The following RIPOR2 variants were observed in gnomAD, a reference collection of about 807,000 sequenced individuals.
RIPOR2 encodes rho family-interacting cell polarization regulator 2.
RIPOR2 carries 39 observed loss-of-function variants against 114.5 expected under a neutral mutation model. That is an observed-to-expected ratio of 0.34 (90% CI 0.26 to 0.44). The LOEUF (loss-of-function observed/expected upper bound fraction) is 0.44. RIPOR2 is among the 20% of genes least tolerant of loss of function. RIPOR2 has a pLI of 1.00. For missense variants in RIPOR2, 1,007 were observed against 1,255.1 expected, an observed-to-expected ratio of 0.80 and a Z score of 2.99; for synonymous variants, 445 against 484.4, an observed-to-expected ratio of 0.92 and a Z score of 1.07.
chr6:25,002,249 C>T (rs1775355274), intron 1 of RIPOR2, among the ~76,000 whole-genome samples: 1 of 152,158 alleles, frequency 6.6e-6, no homozygotes, highest in African/African-American at 2.4e-5. Context: ...TTAGGACAAC[C>T]ATATAAGTAT....
chr6:24,968,876 G>A (rs895993780), intron 1 of RIPOR2, among the ~76,000 whole-genome samples: 1 of 152,172 alleles, frequency 6.6e-6, no homozygotes, highest in Non-Finnish European at 1.5e-5. Context: ...GAAACCCTGC[G>A]TGACATCATG....
At chr6:24,869,285 C>A (rs902300070) in intron 5 of RIPOR2, 138 bp from the exon 6 acceptor site, 11 of 527,336 alleles carry the variant, frequency 2.1e-5, no homozygotes, top group Non-Finnish European at 3.4e-6. Context: ...ATCTTTGAAG[C>A]TATTTTAGAG....
chr6:24,906,494 G>A (rs1308785650), intron 1 of RIPOR2, among the ~76,000 whole-genome samples: 1 of 152,146 alleles, frequency 6.6e-6, no homozygotes, highest in African/African-American at 2.4e-5. Context: ...CAACACCTCT[G>A]AGTGAAAGGT....
At chr6:24,947,846 G>T (rs1033234337) in intron 1 of RIPOR2, 2 of 152,276 alleles carry the variant, frequency 1.3e-5, no homozygotes, top group Middle Eastern at 6.8e-3. Context: ...TAATGTATAA[G>T]TTAACTCTCG....
At chr6:24,921,508 A>G (rs939180605) in intron 1 of RIPOR2, among the ~76,000 whole-genome samples, 5 of 151,644 alleles carry the variant, frequency 3.3e-5, no homozygotes, top group Non-Finnish European at 7.4e-5. Context: ...TGGTTTCCTT[A>G]CTATTCCTGG....
intron 1 of RIPOR2, among the ~76,000 whole-genome samples, chr6:24,961,621 T>A (rs765154614): frequency 4.6e-5 from 6 of 130,082 alleles, no homozygotes; most frequent in Non-Finnish European, 9.9e-5. Context: ...GGGGTACAGT[T>A]GTTATTCTAA....
rs752662614 is a variant in RIPOR2, at chr6:24,843,330, T to C, written c.1389A>G (p.Ala463=). The C allele has an allele frequency of 1.2e-6, 2 of 1,613,960 alleles. No homozygotes were observed. The highest frequency in any genetic ancestry group is 1.7e-6 in the Non-Finnish European group (2 of 1,179,876). Residue 463 remains alanine (A), a synonymous_variant, in exon 13 of 22, where the codon GCA becomes GCG. Transcript: ENST00000643898. ...QNEGMDDTSS[A]SSRNSLGEGQ... Reference sequence around the variant, plus strand: ...CTTCTCCCAGGGAGTTCCTGGAAGATGCTGAGCTGGTGTCATCCATACCCT... The same window carrying C: ...CTTCTCCCAGGGAGTTCCTGGAAGACGCTGAGCTGGTGTCATCCATACCCT...
intron 7 of RIPOR2, among the ~76,000 whole-genome samples, chr6:24,861,491 C>T (rs1378118649): frequency 6.6e-6 from 1 of 152,048 alleles, no homozygotes; most frequent in East Asian, 1.9e-4. Flanking sequence ...TGAAAATGGA[C>T]AATATGTTAT....
At chr6:24,885,959 A>C (rs66983640) in intron 1 of RIPOR2, among the ~76,000 whole-genome samples, 24,389 of 152,176 alleles carry the variant, frequency 0.16, 1,983 homozygotes, top group South Asian at 0.19. Context: ...TATAAATATG[A>C]GTACCTGGGA....
At chr6:25,010,527 G>A (rs1377678787) in intron 1 of RIPOR2, among the ~76,000 whole-genome samples, 1 of 152,198 alleles carries the variant, frequency 6.6e-6, no homozygotes, top group Non-Finnish European at 1.5e-5. Context: ...AATGAACTGA[G>A]ACAGTGTCCT....
intron 1 of RIPOR2, among the ~76,000 whole-genome samples, chr6:24,968,405 C>T (rs1773632255): frequency 6.6e-6 from 1 of 152,144 alleles, no homozygotes; most frequent in African/African-American, 2.4e-5. Context: ...CTGCTGGTGT[C>T]ACTCCCTGCT....
chr6:24,907,672 A>T (rs1241115068), intron 1 of RIPOR2, among the ~76,000 whole-genome samples: 1 of 152,202 alleles, frequency 6.6e-6, no homozygotes, highest in African/African-American at 2.4e-5. Flanking sequence ...GATTTTGTTC[A>T]GTTGAATCAA....
In RIPOR2 at chr6:24,843,518, C is replaced by T. The variant is rs769089967; in HGVS notation, c.1201G>A (p.Ala401Thr). Residue 401 changes from alanine to threonine, a missense_variant, in exon 13 of 22, where the codon GCA (alanine) becomes ACA (threonine). Ala to Thr is a moderately conservative substitution (Grantham distance 58). Coordinates refer to ENST00000643898, the MANE Select transcript of RIPOR2 (RefSeq NM_001286445.3). The part of the protein sequence containing the change: ...LPDDIFENGK[A>T]AEEKMPLSLS... Reference sequence around the variant, plus strand: ...GACAGTGGCATTTTCTCCTCGGCTGCCTTTCCATTTTCAAAGATGTCATCA... The same window carrying T: ...GACAGTGGCATTTTCTCCTCGGCTGTCTTTCCATTTTCAAAGATGTCATCA... 2.0e-6 allele frequency: 3 copies of T among 1,531,206 alleles called. No homozygotes were observed. The highest frequency in any genetic ancestry group is 2.6e-6 in the Non-Finnish European group (3 of 1,138,254). 94.9% of individuals were successfully genotyped at this position (1,531,206 alleles called of 1,614,324 possible).
intron 1 of RIPOR2, among the ~76,000 whole-genome samples, chr6:24,918,106 A>G (rs747473245): frequency 6.6e-6 from 1 of 152,180 alleles, no homozygotes; most frequent in Non-Finnish European, 1.5e-5. Flanking sequence ...GGTCTAGCCA[A>G]TGGGGATCCC....
chr6:24,868,125 C>A (rs1292758710), intron 6 of RIPOR2, among the ~76,000 whole-genome samples: 1 of 152,130 alleles, frequency 6.6e-6, no homozygotes, highest in East Asian at 1.9e-4. Context: ...AAATATCTTT[C>A]AAAGCAAGAA....
At chr6:25,014,947 A>G (rs1393776917) in intron 1 of RIPOR2, 2 of 152,210 alleles carry the variant, frequency 1.3e-5, no homozygotes, top group African/African-American at 4.8e-5. Flanking sequence ...TGACGAGCCA[A>G]AATATGAATA....
At chr6:25,003,384 CATTATTATT>C (rs57985459) in intron 1 of RIPOR2, among the ~76,000 whole-genome samples, 1,876 of 143,832 alleles carry the variant, frequency 0.013, 34 homozygotes, top group African/African-American at 0.038. Flanking sequence ...AGAATTAACA[CATTATTATT>C]ATTATTATTA....
chr6:25,030,821 C>T (rs941399869), intron 1 of RIPOR2, among the ~76,000 whole-genome samples: 7 of 151,954 alleles, frequency 4.6e-5, no homozygotes, highest in African/African-American at 1.7e-4. Flanking sequence ...GCCTCAGCCT[C>T]GCAAGTAGCT....
At chr6:24,850,528 TA>T in intron 10 of RIPOR2, 68 bp downstream of exon 10, 1 of 1,584,952 alleles carries the variant, frequency 6.3e-7, no homozygotes, top group Non-Finnish European at 8.6e-7. Context: ...GGGTCACGGG[TA>T]AGGGCCCCAC....
Sources: gnomAD v4.1 joint callset for allele counts (sites outside exome capture counted in the v4.1 genomes callset) on GRCh38, gnomAD v4.1.1 for gene constraint, MANE v1.5 for transcripts, NCBI Gene and HGNC (gene_info 2026-07-23, HGNC 2026-07-21) for gene names.